Variants in PLAA observed in about 807,000 individuals in gnomAD.
PLAA encodes the protein phospholipase A2 activating protein, also known as phospholipase A-2-activating protein.
A neutral mutation model predicts 84.1 loss-of-function variants in PLAA; 48 were observed. The ratio of observed to expected loss-of-function variants is 0.57; its 90% CI spans 0.45 to 0.73. The LOEUF (loss-of-function observed/expected upper bound fraction) is 0.73, where lower values mean the gene tolerates loss of function less well. Among genes scored for constraint, PLAA ranks in the 30% least tolerant of loss-of-function variants. The pLI is 0.00. For missense variants in PLAA, 903 were observed against 954.7 expected (o/e 0.95, Z 0.71); for synonymous variants, 392 against 336.6 (o/e 1.16, Z -1.80).
In PLAA at chr9:26,947,134, G is replaced by C; in HGVS notation, c.-89C>G. ...CGGAGAGCGCCGGGCCGCGGCGGGAGAAGAGCCTGCAGGTAAGGGGCGGCC... is the reference window on the plus strand; with the variant it reads ...CGGAGAGCGCCGGGCCGCGGCGGGACAAGAGCCTGCAGGTAAGGGGCGGCC... On this transcript the variant is annotated 5_prime_UTR_variant, in exon 1 of 14. Coordinates refer to ENST00000397292, the MANE Select transcript of PLAA (RefSeq NM_001031689.3). The C allele has an allele frequency of 7.2e-7, 1 of 1,380,578 alleles. No homozygotes were observed. Among genetic ancestry groups the C allele is most frequent in the South Asian group, 1.6e-5 (1 of 63,962 alleles). 85.5% of individuals were successfully genotyped at this position (1,380,578 alleles called of 1,614,324 possible). A position where few individuals can be genotyped will look rare whatever the true frequency, so the allele number is the denominator to read the frequency against.
At chr9:26,937,354 C>T (rs932587510) in intron 1 of PLAA, among the ~76,000 whole-genome samples, 13 of 152,066 alleles carry the variant, frequency 8.5e-5, no homozygotes, top group Non-Finnish European at 1.3e-4. Context: ...AACAAAGACA[C>T]CCTTCAACAA....
intron 7 of PLAA, among the ~76,000 whole-genome samples, chr9:26,922,954 G>C (rs1252322131): frequency 6.6e-6 from 1 of 152,126 alleles, no homozygotes; most frequent in African/African-American, 2.4e-5. Context: ...AGTGTTGGGA[G>C]ATTTATTTTT....
At chr9:26,928,786 T>A (rs1026212968) in intron 2 of PLAA, among the ~76,000 whole-genome samples, 1 of 152,266 alleles carries the variant, frequency 6.6e-6, no homozygotes, top group African/African-American at 2.4e-5. Flanking sequence ...TATTTAAGGC[T>A]GCTTTCATGA....
chr9:26,930,192 CCTCCCGGGTTCACGCCATT>C (rs1171556865), intron 2 of PLAA, among the ~76,000 whole-genome samples: 1 of 150,956 alleles, frequency 6.6e-6, no homozygotes, highest in African/African-American at 2.4e-5. Flanking sequence ...GCAAGCTCTG[CCTCCCGGGTTCACGCCATT>C]CTCCTGCCTC....
chr9:26,926,353 C>G, intron 5 of PLAA, 40 bp downstream of exon 5: 3 of 1,349,854 alleles, frequency 2.2e-6, no homozygotes, highest in Middle Eastern at 1.8e-4. Flanking sequence ...GAATAATGCT[C>G]AATACAAAAC....
intron 2 of PLAA, among the ~76,000 whole-genome samples, chr9:26,929,603 G>C (rs1017467475): frequency 6.6e-6 from 1 of 152,192 alleles, no homozygotes; most frequent in African/African-American, 2.4e-5. Flanking sequence ...AATCACAAAA[G>C]TCTCTCTACC....
In PLAA at chr9:26,914,998, A is replaced by C. The variant is rs575254321; in HGVS notation, c.1487-1051T>G. The stretch of plus-strand genomic sequence containing the variant: ...GAGGCTGAGGCGGGTGGATCACCTG[A>C]GGTCAGGAGTTCGAGACCAGCCTGA... On this transcript the variant is annotated intron_variant, in intron 10 of 13. Coordinates refer to ENST00000397292, the MANE Select transcript of PLAA (RefSeq NM_001031689.3). Among the ~76,000 whole-genome samples, 97 of 152,322 alleles carry C rather than the reference A, an allele frequency of 6.4e-4. 3 individuals are homozygous for C. In the South Asian group the frequency reaches 0.02, roughly 31 times the overall value.
chr9:26,928,339 C>G lies in PLAA; in HGVS notation c.413G>C (p.Trp138Ser). 2 of 1,614,132 alleles carry G rather than the reference C, an allele frequency of 1.2e-6. No homozygotes were observed. The highest frequency in any genetic ancestry group is 1.7e-6 in the Non-Finnish European group (2 of 1,179,998). The part of the protein sequence containing the change: ...SGSWDTTAKV[W>S]LNDKCMMTLQ... ...GGTCATCATGCACTTGTCATTCAGC[C>G]AGACTTTAGCAGTGGTGTCCCATGA... Residue 138 changes from tryptophan (W) to serine (S), a missense_variant, in exon 3 of 14, where the codon TGG becomes TCG. Coordinates refer to ENST00000397292, the MANE Select transcript of PLAA (RefSeq NM_001031689.3).
In PLAA at chr9:26,919,323, T is replaced by G; in HGVS notation, c.1404A>C (p.Ser468=). ...ACACTAACTTACCTGTAAATGGATC[T>G]GAAAAGCTGGGATTCCCAAGTCCCA... The part of the protein sequence containing the change: ...QMLGLGNPSF[S]DPFTGGGRYV... Residue 468 remains serine, a synonymous_variant, in exon 9 of 14, where the codon TCA becomes TCC. Transcript: ENST00000397292. 6.2e-7 allele frequency: 1 copy of G among 1,607,900 alleles called. No homozygotes were observed. The highest frequency in any genetic ancestry group is 8.5e-7 in the Non-Finnish European group (1 of 1,176,706).
chr9:26,906,520 C>T (rs549268256), intron 13 of PLAA, among the ~76,000 whole-genome samples: 2 of 151,106 alleles, frequency 1.3e-5, no homozygotes, highest in South Asian at 2.1e-4. Context: ...CTCCACCTCC[C>T]GGGTTCAAGC....
intron 2 of PLAA, among the ~76,000 whole-genome samples, chr9:26,929,258 C>T (rs1825089464): frequency 6.6e-6 from 1 of 151,564 alleles, no homozygotes; most frequent in South Asian, 2.1e-4. Flanking sequence ...TGCCTGTAAT[C>T]CTAGCATTTT....
chr9:26,913,816 T>G, intron 11 of PLAA, 63 bp downstream of exon 11: 1 of 1,200,212 alleles, frequency 8.3e-7, no homozygotes, highest in Non-Finnish European at 1.2e-6. Flanking sequence ...CTTACTCTTT[T>G]TATTAAAGTT....
rs181891313 is a variant in PLAA at position 26,905,153 on chromosome 9, T to G, written c.*358A>C. ...GGTGGAGAAGTTAAATAAAAGATAATTGACAACAACAGTTTGGTGTACATT... is the reference window on the plus strand; with the variant it reads ...GGTGGAGAAGTTAAATAAAAGATAAGTGACAACAACAGTTTGGTGTACATT... On this transcript the variant is annotated 3_prime_UTR_variant, in exon 14 of 14. Transcript: ENST00000397292. 5.5e-6 allele frequency: 1 copy of G among 181,938 alleles called. No individual in the cohort carries two copies. Among genetic ancestry groups the G allele is most frequent in the Non-Finnish European group, 1.2e-5 (1 of 86,844 alleles). 11.3% of individuals were successfully genotyped at this position (181,938 alleles called of 1,614,324 possible). A position where few individuals can be genotyped will look rare whatever the true frequency, so the allele number is the denominator to read the frequency against.
At chr9:26,934,070 A>C (rs1220303488) in intron 2 of PLAA, among the ~76,000 whole-genome samples, 1 of 152,158 alleles carries the variant, frequency 6.6e-6, no homozygotes, top group Non-Finnish European at 1.5e-5. Context: ...TAGCCTCCCA[A>C]AGTGTTGGGA....
chr9:26,909,985 T>C (rs1433395905), intron 12 of PLAA, among the ~76,000 whole-genome samples: 1 of 152,234 alleles, frequency 6.6e-6, no homozygotes, highest in Non-Finnish European at 1.5e-5. Flanking sequence ...GGGCCACTAA[T>C]CTTTTAAAGA....
intron 7 of PLAA, among the ~76,000 whole-genome samples, chr9:26,920,934 G>A (rs1223132108): frequency 6.6e-6 from 1 of 152,036 alleles, no homozygotes; most frequent in African/African-American, 2.4e-5. Flanking sequence ...CCCCGACAGT[G>A]TATATTCCAC....
rs1386230933 is a variant in PLAA, at chr9:26,904,148, A to C, written c.*1363T>G. The C allele has an allele frequency of 6.6e-6, 1 of 152,290 alleles. No homozygotes were observed. Among genetic ancestry groups the C allele is most frequent in the East Asian group, 1.9e-4 (1 of 5,200 alleles). The allele number at this position is 152,290 out of a possible 1,614,324, so 9.4% of individuals were successfully genotyped here. A position where few individuals can be genotyped will look rare whatever the true frequency, so the allele number is the denominator to read the frequency against. On this transcript the variant is annotated 3_prime_UTR_variant, in exon 14 of 14. Transcript: ENST00000397292. ...TTTACATTTTGCTCATTTCCTTTTG[A>C]TATTCCAAAAGTTCTTACTTGGGTT... is the stretch of plus-strand genomic sequence containing the variant.
intron 2 of PLAA, among the ~76,000 whole-genome samples, chr9:26,930,499 A>T (rs957364988): frequency 9.2e-5 from 14 of 152,124 alleles, no homozygotes; most frequent in Non-Finnish European, 1.9e-4. Context: ...TCCCTGAGAA[A>T]ATCTGATGAA....
At chr9:26,935,338 G>T in intron 1 of PLAA, 132 bp from the exon 2 acceptor site, 2 of 494,752 alleles carry the variant, frequency 4.0e-6, no homozygotes, top group Non-Finnish European at 3.4e-6. Flanking sequence ...AGAATCTATT[G>T]TTTTAAAATT....
Sources: allele counts gnomAD v4.1 joint callset (sites outside exome capture counted in the v4.1 genomes callset), GRCh38; gene constraint gnomAD v4.1.1; transcripts MANE v1.5; gene names NCBI Gene and HGNC (gene_info 2026-07-23, HGNC 2026-07-21).